The following BSPH1 variants were observed in gnomAD, a reference collection of about 807,000 sequenced individuals.
BSPH1 encodes the protein binder of sperm protein homolog 1, also known as binder of sperm 1.
A neutral mutation model predicts 22.5 loss-of-function variants in BSPH1; 21 were observed. The ratio of observed to expected loss-of-function variants is 0.93; its 90% CI spans 0.66 to 1.35. The LOEUF is 1.35. Ranked by LOEUF, BSPH1 falls within the 40% of genes most tolerant of loss-of-function variation. BSPH1 has a pLI of 0.00. For missense variants in BSPH1, 141 were observed against 154.2 expected, an observed-to-expected ratio of 0.91 and a Z score of 0.45; for synonymous variants, 42 against 53.6, an observed-to-expected ratio of 0.78 and a Z score of 0.95.
At chr19:47,988,795 G>C (rs1969495341) in intron 1 of BSPH1, among the ~76,000 whole-genome samples, 1 of 152,096 alleles carries the variant, frequency 6.6e-6, no homozygotes, top group Non-Finnish European at 1.5e-5. Context: ...CCACTCCCAT[G>C]TAATCCCTTA....
chr19:47,973,874 C>T lies in BSPH1; in HGVS notation c.*2+2836G>A, dbSNP rs994945918. Among the ~76,000 whole-genome samples the T allele has an allele frequency of 4.6e-5, 7 of 152,298 alleles. 1 individual carries two copies. Among genetic ancestry groups the T allele is most frequent in the Middle Eastern group, 6.8e-3 (2 of 294 alleles). On this transcript the variant is annotated intron_variant, in intron 5 of 5. Transcript: ENST00000344839. ...TTCTTTGCTGTTTGTTCACTTCTGGCTCCACGTTTATCCTTATGATCTTTC... is the reference window on the plus strand; with the variant it reads ...TTCTTTGCTGTTTGTTCACTTCTGGTTCCACGTTTATCCTTATGATCTTTC...
At chr19:47,973,160 T>C (rs954802354) in intron 5 of BSPH1, among the ~76,000 whole-genome samples, 26 of 150,642 alleles carry the variant, frequency 1.7e-4, no homozygotes, top group Non-Finnish European at 2.2e-4. Flanking sequence ...GAGCTTGCAG[T>C]GAGCCGAGAT....
chr19:47,969,374 C>A (rs1234731715), intron 5 of BSPH1, among the ~76,000 whole-genome samples: 1 of 152,056 alleles, frequency 6.6e-6, no homozygotes, highest in African/African-American at 2.4e-5. Flanking sequence ...TCCAAGTAAA[C>A]AGATCCTTTA....
intron 5 of BSPH1, among the ~76,000 whole-genome samples, chr19:47,971,508 T>C (rs550571782): frequency 5.9e-5 from 9 of 152,348 alleles, no homozygotes; most frequent in African/African-American, 2.2e-4. Flanking sequence ...ACCCAGCCTG[T>C]ATTCTGTCTT....
chr19:47,970,374 G>A (rs926848333), intron 5 of BSPH1, among the ~76,000 whole-genome samples: 5 of 152,262 alleles, frequency 3.3e-5, no homozygotes, highest in African/African-American at 1.2e-4. Context: ...TAGAATTTAT[G>A]AGACCAGTGT....
intron 2 of BSPH1, 71 bp from the exon 3 acceptor site, chr19:47,979,670 A>G: frequency 1.6e-6 from 1 of 629,344 alleles, no homozygotes. Context: ...CTTACGTAAA[A>G]TAAAATTAAA....
chr19:47,979,848 C>A (rs142423634), intron 2 of BSPH1, among the ~76,000 whole-genome samples: 2 of 151,816 alleles, frequency 1.3e-5, no homozygotes, highest in African/African-American at 4.8e-5. Flanking sequence ...TTCCAAAGTG[C>A]TTTTTTTTGG....
intron 1 of BSPH1, among the ~76,000 whole-genome samples, chr19:47,988,162 T>C (rs1969488368): frequency 6.6e-6 from 1 of 152,164 alleles, no homozygotes; most frequent in Non-Finnish European, 1.5e-5. Flanking sequence ...ACGATTCCAC[T>C]TGTATGAGAA....
At chr19:47,991,675 CTCCTCT>C (rs1158821456) in intron 1 of BSPH1, among the ~76,000 whole-genome samples, 2 of 96,088 alleles carry the variant, frequency 2.1e-5, no homozygotes, top group African/African-American at 7.2e-5. Flanking sequence ...CCTCCCCCTC[CTCCTCT>C]TCCTTCTCTT....
chr19:47,967,717 T>C (rs953177675), downstream of BSPH1, among the ~76,000 whole-genome samples: 1 of 152,200 alleles, frequency 6.6e-6, no homozygotes, highest in South Asian at 2.1e-4. Context: ...CCAAAAACAG[T>C]TGCATTCCGA....
rs199682673 is a variant in BSPH1 at position 47,984,969 on chromosome 19, A to G, written c.74-4028T>C. On this transcript the variant is annotated intron_variant, in intron 1 of 5. Coordinates refer to ENST00000344839, the MANE Select transcript of BSPH1 (RefSeq NM_001128326.2). ...GTAATCCCAGCTACTCAGGAGGCTG[A>G]GGCAGGAGAATCGCTTGAACCTGGG... 9.0e-4 allele frequency among the ~76,000 whole-genome samples: 136 copies of G among 150,450 alleles called. 2 individuals carry two copies. In the East Asian group the frequency reaches 0.025, roughly 27 times the overall value.
chr19:47,977,376 C>T lies in BSPH1; in HGVS notation c.253G>A (p.Glu85Lys). Residue 85 changes from glutamate (E) to lysine (K), a missense_variant, in exon 4 of 6, where the codon GAA becomes AAA. Coordinates refer to ENST00000344839, the MANE Select transcript of BSPH1 (RefSeq NM_001128326.2). ...YEGYWKFCSA[E>K]DFANCVFPFW... Reference sequence around the variant, plus strand: ...TATTTAGAGACAGGACACTCACCTTCTGCACTGCAAAACTTCCAGTATCCT... The same window carrying T: ...TATTTAGAGACAGGACACTCACCTTTTGCACTGCAAAACTTCCAGTATCCT... 1 of 1,551,916 alleles carries T rather than the reference C, an allele frequency of 6.4e-7. No individual in the cohort carries two copies. Among genetic ancestry groups the T allele is most frequent in the East Asian group, 2.4e-5 (1 of 40,910 alleles).
At chr19:47,981,436 G>A (rs1048124728) in intron 1 of BSPH1, among the ~76,000 whole-genome samples, 6 of 152,168 alleles carry the variant, frequency 3.9e-5, no homozygotes, top group Non-Finnish European at 8.8e-5. Context: ...TGCTCTGAAC[G>A]TCTTCTCTAT....
chr19:47,980,798 A>T (rs1453892818), intron 2 of BSPH1, 123 bp downstream of exon 2: 5 of 621,322 alleles, frequency 8.0e-6, no homozygotes, highest in African/African-American at 2.0e-5. Context: ...ATATAAGTAC[A>T]TAAAATAGTA....
chr19:47,982,915 G>A (rs576441318), intron 1 of BSPH1, among the ~76,000 whole-genome samples: 3 of 152,216 alleles, frequency 2.0e-5, no homozygotes, highest in African/African-American at 7.2e-5. Flanking sequence ...CAAATACATA[G>A]AGACAAAAAG....
In BSPH1 at chr19:47,984,151, GAAAAAAA is replaced by G. The variant is rs66621103; in HGVS notation, c.74-3217_74-3211del. On this transcript the variant is annotated intron_variant, in intron 1 of 5. Coordinates refer to ENST00000344839, the MANE Select transcript of BSPH1 (RefSeq NM_001128326.2). ...TGTAAGCCACCATGCCTGGCTTGAA[GAAAAAAA>G]AAAAAATATATATATATATATAATA... Among the ~76,000 whole-genome samples, 1,276 of 138,640 alleles carry G rather than the reference GAAAAAAA, an allele frequency of 9.2e-3. 20 individuals are homozygous for G. Among genetic ancestry groups the G allele is most frequent in the African/African-American group, 0.03 (1,175 of 38,610 alleles). 91.0% of individuals were successfully genotyped at this position (138,640 alleles called of 152,430 possible). A position where few individuals can be genotyped will look rare whatever the true frequency, so the allele number is the denominator to read the frequency against.
chr19:47,978,442 G>A (rs1184204490), intron 3 of BSPH1, among the ~76,000 whole-genome samples: 5 of 151,994 alleles, frequency 3.3e-5, no homozygotes, highest in Admixed American at 3.3e-4. Flanking sequence ...TCTGTGATAT[G>A]GATTCAACAC....
At chr19:47,982,421 CA>C (rs1304019453) in intron 1 of BSPH1, among the ~76,000 whole-genome samples, 1 of 152,194 alleles carries the variant, frequency 6.6e-6, no homozygotes, top group Non-Finnish European at 1.5e-5. Context: ...ATTCATTCCA[CA>C]AGTTTGTTTT....
intron 4 of BSPH1, 112 bp downstream of exon 4, chr19:47,977,261 C>G: frequency 1.6e-5 from 12 of 758,626 alleles, no homozygotes; most frequent in Middle Eastern, 2.7e-4. Flanking sequence ...TTTATTTTCA[C>G]AACTTAATTG....
Sources: allele counts gnomAD v4.1 joint callset (sites outside exome capture counted in the v4.1 genomes callset), GRCh38; gene constraint gnomAD v4.1.1; transcripts MANE v1.5; gene names NCBI Gene and HGNC (gene_info 2026-07-23, HGNC 2026-07-21).